HS6ST2: variants seen among roughly 807,000 people sequenced by gnomAD.
The protein encoded by HS6ST2 is heparan-sulfate 6-O-sulfotransferase 2.
Under a neutral mutation model 33.0 loss-of-function variants are expected in HS6ST2, and 17 were observed. The ratio of observed to expected loss-of-function variants is 0.52; its 90% CI spans 0.35 to 0.77. The LOEUF is 0.77. Ranked by LOEUF, HS6ST2 falls within the 30% of genes least tolerant of loss-of-function variation. HS6ST2 has a pLI of 0.01. For synonymous variants in HS6ST2, 248 were observed against 237.1 expected (o/e 1.05, Z -0.42); for missense variants, 519 against 551.7 (o/e 0.94, Z 0.59).
intron 2 of HS6ST2, among the ~76,000 whole-genome samples, chrX:132,954,108 G>A (rs2067043080): frequency 1.8e-5 from 2 of 112,227 alleles, no homozygotes; most frequent in Non-Finnish European, 3.8e-5. Context: ...GCTGAAGATG[G>A]TGCAGGTTTA....
At chrX:132,833,816 T>A (rs1223383099) in intron 2 of HS6ST2, among the ~76,000 whole-genome samples, 1 of 109,185 alleles carries the variant, frequency 9.2e-6, no homozygotes, top group African/African-American at 3.3e-5. Flanking sequence ...ATGTGCACAA[T>A]GTGCAGGTTA....
intron 2 of HS6ST2, among the ~76,000 whole-genome samples, chrX:132,891,124 C>T (rs200957693): frequency 9.1e-6 from 1 of 110,211 alleles, no homozygotes. Context: ...CCGATTCTTC[C>T]TCAGAACATG....
At chrX:132,877,780 G>A (rs2066122695) in intron 2 of HS6ST2, among the ~76,000 whole-genome samples, 1 of 110,792 alleles carries the variant, frequency 9.0e-6, no homozygotes, top group African/African-American at 3.3e-5. Context: ...CCTACAATAA[G>A]CTACACCTTG....
intron 2 of HS6ST2, among the ~76,000 whole-genome samples, chrX:132,830,586 C>T (rs1358118433): frequency 8.9e-6 from 1 of 112,344 alleles, no homozygotes; most frequent in Non-Finnish European, 1.9e-5. Flanking sequence ...ACATTTTAAA[C>T]ACAAAATTTT....
intron 4 of HS6ST2, among the ~76,000 whole-genome samples, chrX:132,646,535 T>TA (rs34230779): frequency 0.25 from 17,099 of 67,115 alleles, 3,423 homozygotes; most frequent in African/African-American, 0.58. Flanking sequence ...CCCTGTCTCT[T>TA]AAAAAAAAAA....
At chrX:132,704,134 C>A (rs938430813) in intron 3 of HS6ST2, among the ~76,000 whole-genome samples, 1 of 112,441 alleles carries the variant, frequency 8.9e-6, no homozygotes, top group Non-Finnish European at 1.9e-5. Flanking sequence ...TGTGTCTACA[C>A]ACACATTTGC....
chrX:132,938,718 T>C (rs1418954026), intron 2 of HS6ST2, among the ~76,000 whole-genome samples: 1 of 111,641 alleles, frequency 9.0e-6, no homozygotes, highest in African/African-American at 3.3e-5. Context: ...AAGTTCATTA[T>C]AGCCACTTCC....
At chrX:132,922,762 C>T (rs1420047063) in intron 2 of HS6ST2, among the ~76,000 whole-genome samples, 2 of 111,199 alleles carry the variant, frequency 1.8e-5, no homozygotes, top group South Asian at 3.8e-4. Context: ...GGAGAGCTTC[C>T]GGCTTTATAG....
intron 3 of HS6ST2, among the ~76,000 whole-genome samples, chrX:132,702,443 G>C (rs758134723): frequency 2.4e-4 from 27 of 112,043 alleles, no homozygotes; most frequent in Non-Finnish European, 3.8e-4. Context: ...TACTGACTAC[G>C]ACAAGAAAAG....
At chrX:132,850,321 G>A (rs2065790865) in intron 2 of HS6ST2, among the ~76,000 whole-genome samples, 1 of 111,231 alleles carries the variant, frequency 9.0e-6, no homozygotes, top group Non-Finnish European at 1.9e-5. Context: ...GCTTACCTCT[G>A]GCCTAGAATT....
chrX:132,719,428 C>T (rs963089699), intron 2 of HS6ST2, among the ~76,000 whole-genome samples: 7 of 111,797 alleles, frequency 6.3e-5, no homozygotes, highest in East Asian at 2.8e-4. Flanking sequence ...GAGCCAGTGG[C>T]GGAGATCCAG....
chrX:132,666,949 A>G (rs935287765), intron 4 of HS6ST2, among the ~76,000 whole-genome samples: 2 of 111,186 alleles, frequency 1.8e-5, no homozygotes. Context: ...CCTCACCACC[A>G]CACACACCAA....
intron 2 of HS6ST2, among the ~76,000 whole-genome samples, chrX:132,880,848 A>G (rs1356332834): frequency 2.2e-4 from 23 of 102,948 alleles, no homozygotes; most frequent in Admixed American, 1.2e-4. Flanking sequence ...TCATTGTTCA[A>G]TTCCCACCTA....
intron 4 of HS6ST2, among the ~76,000 whole-genome samples, chrX:132,658,869 T>C (rs749452015): frequency 2.7e-5 from 3 of 111,889 alleles, no homozygotes; most frequent in African/African-American, 9.7e-5. Flanking sequence ...CAGACAGTGA[T>C]GGCCAAACAT....
At chrX:132,805,900 C>G (rs1311462380) in intron 2 of HS6ST2, among the ~76,000 whole-genome samples, 1 of 110,476 alleles carries the variant, frequency 9.1e-6, no homozygotes, top group Non-Finnish European at 1.9e-5. Flanking sequence ...AATGTTTTGC[C>G]TTCAAACAGG....
intron 2 of HS6ST2, among the ~76,000 whole-genome samples, chrX:132,744,118 T>C (rs2064611511): frequency 8.9e-6 from 1 of 112,157 alleles, no homozygotes; most frequent in South Asian, 3.7e-4. Context: ...GAATCATCAA[T>C]GCTACCATTT....
chrX:132,690,884 C>T (rs1219538313), intron 3 of HS6ST2, among the ~76,000 whole-genome samples: 4 of 111,717 alleles, frequency 3.6e-5, no homozygotes, highest in African/African-American at 9.8e-5. Flanking sequence ...ACACACTGTC[C>T]TTTAAAATGC....
chrX:132,947,023 G>A (rs184430665), intron 2 of HS6ST2, among the ~76,000 whole-genome samples: 16 of 111,510 alleles, frequency 1.4e-4, no homozygotes, highest in African/African-American at 4.5e-4. Context: ...TCCTTCACAC[G>A]CACTCAGGTT....
intron 2 of HS6ST2, among the ~76,000 whole-genome samples, chrX:132,762,507 A>C (rs1291874807): frequency 1.8e-5 from 2 of 112,473 alleles, no homozygotes; most frequent in African/African-American, 3.2e-5. Flanking sequence ...TGATTCTGAA[A>C]TATTTATTTA....
Sources: allele counts gnomAD v4.1 joint callset (sites outside exome capture counted in the v4.1 genomes callset), GRCh38; gene constraint gnomAD v4.1.1; transcripts MANE v1.5; gene names NCBI Gene and HGNC (gene_info 2026-07-23, HGNC 2026-07-21).